Variants in DOHH observed in about 807,000 individuals in gnomAD.
DOHH encodes the protein deoxyhypusine hydroxylase, also known as HEAT-like (PBS lyase) repeat containing 1.
DOHH carries 16 observed loss-of-function variants against 19.9 expected under a neutral mutation model. The ratio of observed to expected loss-of-function variants is 0.80; its 90% CI spans 0.54 to 1.22. The LOEUF (loss-of-function observed/expected upper bound fraction) is 1.22. Ranked by LOEUF, DOHH falls within the 50% of genes most tolerant of loss-of-function variation. The pLI, the probability that DOHH is intolerant of heterozygous loss-of-function variation, is 0.00. For missense variants in DOHH, 460 were observed against 460.6 expected (o/e 1.00, Z 0.01); for synonymous variants, 233 against 217.0 (o/e 1.07, Z -0.65).
rs767989996 is a variant in DOHH, at chr19:3,496,757, G to A, written c.58C>T (p.Pro20Ser). 18 of 1,608,980 alleles carry A rather than the reference G, an allele frequency of 1.1e-5. No individual in the cohort carries two copies. The highest frequency in any genetic ancestry group is 1.5e-5 in the Non-Finnish European group (18 of 1,178,684). The change falls in exon 2 of 5, where the codon CCC becomes TCC. Residue 20 changes from proline (P) to serine (S), a missense_variant. Physicochemically the swap from Pro to Ser is moderately conservative, Grantham distance 74 (BLOSUM62 -1). Coordinates refer to ENST00000427575, the MANE Select transcript of DOHH (RefSeq NM_001145165.2). The surrounding 1 kb of genome is among the most constrained non-coding windows in gnomAD (Gnocchi z 4.8). ...IGQTLVDPKQ[P>S]LQARFRALFT... ...AGCGCCCGGAAGCGGGCCTGCAGGGGCTGCTTGGGGTCCACCAGCGTCTGC... is the reference window on the plus strand; with the variant it reads ...AGCGCCCGGAAGCGGGCCTGCAGGGACTGCTTGGGGTCCACCAGCGTCTGC...
At chr19:3,492,566 C>G (rs1284331743) in intron 3 of DOHH, 67 bp from the exon 4 acceptor site, 15 of 1,244,180 alleles carry the variant, frequency 1.2e-5, no homozygotes, top group Middle Eastern at 2.9e-4. Flanking sequence ...CCCCACCCCC[C>G]GGGATGGCAG....
intron 4 of DOHH, 107 bp downstream of exon 4, chr19:3,492,155 C>T (rs1382018697): frequency 5.5e-6 from 6 of 1,083,780 alleles, no homozygotes; most frequent in African/African-American, 1.7e-5. Context: ...GGGCCAGGCC[C>T]GGGATGCCGT....
At chr19:3,492,128 C>T in intron 4 of DOHH, 134 bp downstream of exon 4, 1 of 868,302 alleles carries the variant, frequency 1.2e-6, no homozygotes, top group Non-Finnish European at 1.6e-6. Flanking sequence ...CTTAAGAGGC[C>T]CCATGGGAAA....
chr19:3,491,228 G>A lies in DOHH; in HGVS notation c.*264C>T. 1 of 541,918 alleles carries A rather than the reference G, an allele frequency of 1.8e-6. No individual in the cohort carries two copies. 33.6% of individuals were successfully genotyped at this position (541,918 alleles called of 1,614,324 possible). On this transcript the variant is annotated 3_prime_UTR_variant, in exon 5 of 5. Transcript: ENST00000427575. This position sits in a 1 kb window ranked among gnomAD's most constrained non-coding sequence, Gnocchi z 5.6. ...CCTGTCCTGAGCCGGGCATCCCAGA[G>A]CCTCCCGCAGAGTCCCACCCCAAGC...
At chr19:3,492,812 G>T (rs2082880941) in intron 3 of DOHH, among the ~76,000 whole-genome samples, 1 of 152,198 alleles carries the variant, frequency 6.6e-6, no homozygotes, top group African/African-American at 2.4e-5. Context: ...CTGCGGGAGG[G>T]GTGAGGGCCA....
At position 3,496,436 on chromosome 19, in the gene DOHH, T is replaced by C. The variant is rs1389928311; in HGVS notation, c.274+105A>G. 5.7e-5 allele frequency: 85 copies of C among 1,504,066 alleles called. 1 individual carries two copies. The highest frequency in any genetic ancestry group is 7.6e-5 in the Non-Finnish European group (85 of 1,118,248). 93.2% of individuals were successfully genotyped at this position (1,504,066 alleles called of 1,614,324 possible). On this transcript the variant is annotated intron_variant, in intron 2 of 4. Transcript: ENST00000427575. The surrounding 1 kb of genome is among the most constrained non-coding windows in gnomAD (Gnocchi z 4.8). ...TACTATCTGGTGCTCTATGGGGCAG[T>C]TGACCACTCTGATATTTATCACCTG... is the stretch of plus-strand genomic sequence containing the variant.
chr19:3,499,429 T>A (rs1317381899), intron 1 of DOHH, among the ~76,000 whole-genome samples: 1 of 152,226 alleles, frequency 6.6e-6, no homozygotes, highest in South Asian at 2.1e-4. Context: ...TGGTCACTGT[T>A]GTATTCCCAG....
rs200446424 is a variant in DOHH, at chr19:3,491,729, C to T, written c.672G>A (p.Gln224=). 390 of 1,506,694 alleles carry T rather than the reference C, an allele frequency of 2.6e-4. 3 individuals are homozygous for T. The East Asian group carries it at 7.1e-3, about 27-fold the overall frequency. 93.3% of individuals were successfully genotyped at this position (1,506,694 alleles called of 1,614,324 possible). A position where few individuals can be genotyped will look rare whatever the true frequency, so the allele number is the denominator to read the frequency against. Residue 224 remains glutamine (Q), a synonymous_variant, in exon 5 of 5, where the codon CAG becomes CAA. Coordinates refer to ENST00000427575, the MANE Select transcript of DOHH (RefSeq NM_001145165.2). This position sits in a 1 kb window ranked among gnomAD's most constrained non-coding sequence, Gnocchi z 5.6. ...GQLQHEAAVP[Q]LAAALARCTE... is the part of the protein sequence containing the mutation. The stretch of plus-strand genomic sequence containing the variant: ...TGCATCGGGCCAGGGCGGCCGCCAG[C>T]TGGGGCACCGCCGCCTCGTGCTGCA...
At position 3,493,400 on chromosome 19, in the gene DOHH, G is replaced by C. The variant is rs1247324173; in HGVS notation, c.351+628C>G. On this transcript the variant is annotated intron_variant, in intron 3 of 4. Coordinates refer to ENST00000427575, the MANE Select transcript of DOHH (RefSeq NM_001145165.2). ...CAAGGCGGGTGGATCACGAGGTCAG[G>C]AGATCGAGACCATCCTGGCTAACAT... Among the ~76,000 whole-genome samples the C allele has an allele frequency of 2.0e-5, 3 of 152,342 alleles. No homozygotes were observed. The East Asian group carries it at 5.8e-4, about 29-fold the overall frequency.
chr19:3,499,802 C>T (rs1040423218), intron 1 of DOHH, among the ~76,000 whole-genome samples: 3 of 152,118 alleles, frequency 2.0e-5, no homozygotes, highest in African/African-American at 4.8e-5. Context: ...AAACGACAAC[C>T]GTGACAATAG....
rs1208710953 is a variant in DOHH, at chr19:3,492,646, G to A, written c.352-147C>T. ...TCCAGGCAGGAAGTAAGCCAGCAGG[G>A]GTGGCTGACTTGTGAGTGACCGGGG... On this transcript the variant is annotated intron_variant, in intron 3 of 4. Transcript: ENST00000427575. 1.1e-5 allele frequency: 7 copies of A among 657,720 alleles called. No individual in the cohort carries two copies. The Middle Eastern group carries it at 1.3e-3, about 124-fold the overall frequency. 40.7% of individuals were successfully genotyped at this position (657,720 alleles called of 1,614,324 possible).
Position 3,491,558 on chromosome 19 carries a change from C to A in DOHH, c.843G>T (p.Glu281Asp), listed in dbSNP as rs1355267893. The A allele has an allele frequency of 6.5e-7, 1 of 1,535,970 alleles. No homozygotes were observed. Among genetic ancestry groups the A allele is most frequent in the Non-Finnish European group, 8.7e-7 (1 of 1,146,746 alleles). Residue 281 changes from glutamate to aspartate, a missense_variant, in exon 5 of 5, where the codon GAG becomes GAT. Coordinates refer to ENST00000427575, the MANE Select transcript of DOHH (RefSeq NM_001145165.2). This position sits in a 1 kb window ranked among gnomAD's most constrained non-coding sequence, Gnocchi z 5.6. Reference protein sequence around the residue: ...ESCEVALDMYEHETGRAFQYA... With the variant: ...ESCEVALDMYDHETGRAFQYA... The stretch of plus-strand genomic sequence containing the variant: ...ACTGGAAGGCCCGCCCGGTCTCGTG[C>A]TCATACATGTCCAGAGCCACCTCGC...
At chr19:3,498,619 G>T (rs181267661) in intron 1 of DOHH, among the ~76,000 whole-genome samples, 5 of 152,150 alleles carry the variant, frequency 3.3e-5, no homozygotes, top group African/African-American at 1.2e-4. Flanking sequence ...TGGTCAGGCT[G>T]GTCTCGAACT....
intron 2 of DOHH, among the ~76,000 whole-genome samples, chr19:3,495,969 G>A (rs148151619): frequency 2.2e-4 from 34 of 152,238 alleles, no homozygotes; most frequent in African/African-American, 7.5e-4. Flanking sequence ...CCTGATGGGT[G>A]GAATTTATAT....
At chr19:3,493,638 G>A (rs1312496487) in intron 3 of DOHH, among the ~76,000 whole-genome samples, 1 of 151,966 alleles carries the variant, frequency 6.6e-6, no homozygotes, top group East Asian at 1.9e-4. Context: ...AATGTTGGAA[G>A]GTAGCAGGAG....
chr19:3,496,029 A>G lies in DOHH; in HGVS notation c.274+512T>C, dbSNP rs2082905169. 6.6e-6 allele frequency among the ~76,000 whole-genome samples: 1 copy of G among 152,100 alleles called. No homozygotes were observed. ...AATGAAGTTTGTTTTTTGTTTTTTC[A>G]CAGACAGGATCTCACTCTGTTGCCC... On this transcript the variant is annotated intron_variant, in intron 2 of 4. Transcript: ENST00000427575. This position sits in a 1 kb window ranked among gnomAD's most constrained non-coding sequence, Gnocchi z 4.8.
rs1360220758 is a variant in DOHH, at chr19:3,491,545, G to T, written c.856C>A (p.Arg286=). The T allele has an allele frequency of 2.0e-6, 3 of 1,535,734 alleles. No individual in the cohort carries two copies. Among genetic ancestry groups the T allele is most frequent in the Non-Finnish European group, 2.6e-6 (3 of 1,146,700 alleles). ...ALDMYEHETG[R]AFQYADGLEQ... The stretch of plus-strand genomic sequence containing the variant: ...AGGCCGTCCGCGTACTGGAAGGCCC[G>T]CCCGGTCTCGTGCTCATACATGTCC... Residue 286 remains arginine, a synonymous_variant, in exon 5 of 5, where the codon CGG becomes AGG. Transcript: ENST00000427575. This position sits in a 1 kb window ranked among gnomAD's most constrained non-coding sequence, Gnocchi z 5.6.
Position 3,494,098 on chromosome 19 carries a change from G to A in DOHH, c.281C>T (p.Ala94Val). ...TTCCGGGTCCCCGATGGCCCCCAGGGCCTCCCCTGGGAAGAAGCAGCCGGA... is the reference window on the plus strand; with the variant it reads ...TTCCGGGTCCCCGATGGCCCCCAGGACCTCCCCTGGGAAGAAGCAGCCGGA... ...EPMVRHEAGE[A>V]LGAIGDPEVL... is the part of the protein sequence containing the mutation. Residue 94 changes from alanine to valine, a missense_variant, in exon 3 of 5, where the codon GCC becomes GTC. Ala to Val is a moderately conservative substitution (Grantham distance 64). Transcript: ENST00000427575. 1 of 1,613,592 alleles carries A rather than the reference G, an allele frequency of 6.2e-7. No homozygotes were observed. Among genetic ancestry groups the A allele is most frequent in the Non-Finnish European group, 8.5e-7 (1 of 1,179,634 alleles).
chr19:3,499,452 T>C (rs1341482621), intron 1 of DOHH, among the ~76,000 whole-genome samples: 1 of 152,196 alleles, frequency 6.6e-6, no homozygotes, highest in Non-Finnish European at 1.5e-5. Flanking sequence ...CTTAGTGCAA[T>C]GACCTGCACG....
Sources: gnomAD v4.1 joint callset for allele counts (sites outside exome capture counted in the v4.1 genomes callset) on GRCh38, gnomAD v4.1.1 for gene constraint, Gnocchi (gnomAD v3.1) non-coding constraint, MANE v1.5 for transcripts, NCBI Gene and HGNC (gene_info 2026-07-23, HGNC 2026-07-21) for gene names.